Variants in SESTD1 observed in about 807,000 individuals in gnomAD.
SESTD1 encodes SEC14 domain and spectrin repeat-containing protein 1.
A neutral mutation model predicts 101.7 loss-of-function variants in SESTD1; 43 were observed. The ratio of observed to expected loss-of-function variants is 0.42; its 90% confidence interval spans 0.33 to 0.55. The LOEUF (loss-of-function observed/expected upper bound fraction) is 0.55. SESTD1 is among the 20% of genes least tolerant of loss of function. SESTD1 has a pLI of 0.07. For synonymous variants in SESTD1, 283 were observed against 286.8 expected, an observed-to-expected ratio of 0.99 and a Z score of 0.13; for missense variants, 647 against 815.1, an observed-to-expected ratio of 0.79 and a Z score of 2.51.
At chr2:179,113,786 G>A (rs2044565290) in intron 16 of SESTD1, among the ~76,000 whole-genome samples, 1 of 151,718 alleles carries the variant, frequency 6.6e-6, no homozygotes, top group South Asian at 2.1e-4. Context: ...TGTACAACAA[G>A]CTCCAGGAGG....
At chr2:179,228,881 A>G (rs62177327) in intron 1 of SESTD1, among the ~76,000 whole-genome samples, 8,429 of 152,302 alleles carry the variant, frequency 0.055, 321 homozygotes, top group South Asian at 0.14. Context: ...GAGAGGACAG[A>G]TAGATCTAGG....
At chr2:179,260,568 A>C (rs1255026152) in intron 1 of SESTD1, among the ~76,000 whole-genome samples, 2 of 152,142 alleles carry the variant, frequency 1.3e-5, no homozygotes, top group African/African-American at 4.8e-5. Flanking sequence ...CTGCCCCCAC[A>C]GTTGTCAGAT....
chr2:179,146,904 G>GGTGTGTGTGTGT (rs71023470), intron 7 of SESTD1, among the ~76,000 whole-genome samples: 2 of 145,418 alleles, frequency 1.4e-5, no homozygotes, highest in Non-Finnish European at 1.5e-5. Flanking sequence ...ATATTCCAGG[G>GGTGTGTGTGTGT]GTGTGTGTGT....
intron 9 of SESTD1, among the ~76,000 whole-genome samples, chr2:179,138,715 CA>C (rs1166102922): frequency 6.6e-6 from 1 of 151,126 alleles, no homozygotes; most frequent in Non-Finnish European, 1.5e-5. Flanking sequence ...AAATACACGC[CA>C]AAAAAACAGC....
intron 1 of SESTD1, among the ~76,000 whole-genome samples, chr2:179,243,780 G>T (rs1332467497): frequency 6.6e-6 from 1 of 151,768 alleles, no homozygotes; most frequent in Non-Finnish European, 1.5e-5. Flanking sequence ...GGGGGCTAAG[G>T]GCTGAAAAAC....
chr2:179,254,642 G>A (rs1040320489), intron 1 of SESTD1, among the ~76,000 whole-genome samples: 1 of 152,190 alleles, frequency 6.6e-6, no homozygotes. Flanking sequence ...TCTCAATGCA[G>A]TCTTCCAGGC....
intron 12 of SESTD1, 56 bp downstream of exon 12, chr2:179,123,659 A>C: frequency 9.5e-7 from 1 of 1,056,776 alleles, no homozygotes; most frequent in Non-Finnish European, 1.3e-6. Context: ...TAACCATGGT[A>C]ATGATATTTA....
chr2:179,191,135 T>C (rs1211358777), intron 2 of SESTD1, among the ~76,000 whole-genome samples: 1 of 152,326 alleles, frequency 6.6e-6, no homozygotes, highest in East Asian at 1.9e-4. Context: ...CATACGTTCC[T>C]TGCAGCACTA....
intron 4 of SESTD1, among the ~76,000 whole-genome samples, chr2:179,174,249 C>T (rs1389434962): frequency 1.3e-5 from 2 of 152,144 alleles, no homozygotes; most frequent in African/African-American, 4.8e-5. Context: ...GAGATGAAAG[C>T]AATGAATGAC....
intron 10 of SESTD1, among the ~76,000 whole-genome samples, chr2:179,124,924 C>G (rs2154394110): frequency 6.6e-6 from 1 of 152,208 alleles, no homozygotes; most frequent in South Asian, 2.1e-4. Flanking sequence ...AAACCGTATC[C>G]CCTTTGAAGT....
At chr2:179,143,376 A>G (rs1391901331) in intron 9 of SESTD1, among the ~76,000 whole-genome samples, 1 of 152,194 alleles carries the variant, frequency 6.6e-6, no homozygotes, top group African/African-American at 2.4e-5. Flanking sequence ...GTTCATTGTT[A>G]CACTAAGCTG....
chr2:179,233,090 TG>T (rs2047009383), intron 1 of SESTD1, among the ~76,000 whole-genome samples: 1 of 152,116 alleles, frequency 6.6e-6, no homozygotes, highest in African/African-American at 2.4e-5. Flanking sequence ...ACAAAACAAA[TG>T]TCTCTATTGG....
intron 10 of SESTD1, 22 bp from the exon 11 acceptor site, chr2:179,124,580 G>A (rs1253596524): frequency 3.1e-5 from 49 of 1,584,894 alleles, no homozygotes; most frequent in Non-Finnish European, 4.0e-5. Flanking sequence ...ATGTTACAAA[G>A]TAAACTAAGG....
intron 2 of SESTD1, among the ~76,000 whole-genome samples, chr2:179,188,659 G>A (rs961743525): frequency 2.6e-5 from 4 of 151,900 alleles, no homozygotes; most frequent in African/African-American, 9.7e-5. Context: ...AAGGGGTGGG[G>A]GGCTGACAAC....
At chr2:179,182,766 A>G (rs954691415) in intron 3 of SESTD1, among the ~76,000 whole-genome samples, 1 of 152,170 alleles carries the variant, frequency 6.6e-6, no homozygotes, top group African/African-American at 2.4e-5. Context: ...TTACCTAAAT[A>G]AAAGATGTTT....
At chr2:179,134,114 T>A (rs922918511) in intron 9 of SESTD1, among the ~76,000 whole-genome samples, 1 of 152,184 alleles carries the variant, frequency 6.6e-6, no homozygotes, top group African/African-American at 2.4e-5. Context: ...GATCTTGGTA[T>A]CCACAGTCTG....
chr2:179,161,874 T>C (rs2105463137), intron 5 of SESTD1, among the ~76,000 whole-genome samples: 1 of 152,308 alleles, frequency 6.6e-6, no homozygotes, highest in South Asian at 2.1e-4. Context: ...TCTTTTATTC[T>C]CCAAAAATGA....
intron 17 of SESTD1, among the ~76,000 whole-genome samples, 199 bp downstream of exon 17, chr2:179,112,525 G>A (rs2289994): frequency 0.18 from 27,181 of 152,076 alleles, 2,738 homozygotes; most frequent in South Asian, 0.3. Context: ...AAGAAGTAAC[G>A]CATCTGTTGT....
At chr2:179,132,594 T>C (rs1157442617) in intron 9 of SESTD1, among the ~76,000 whole-genome samples, 168 bp from the exon 10 acceptor site, 1 of 152,270 alleles carries the variant, frequency 6.6e-6, no homozygotes, top group African/African-American at 2.4e-5. Flanking sequence ...ACAGCTATAA[T>C]GTGACAACAT....
Sources: allele counts gnomAD v4.1 joint callset (sites outside exome capture counted in the v4.1 genomes callset), GRCh38; gene constraint gnomAD v4.1.1; transcripts MANE v1.5; gene names NCBI Gene and HGNC (gene_info 2026-07-23, HGNC 2026-07-21).